HEPACAM: variants seen among roughly 807,000 people sequenced by gnomAD.
The protein encoded by HEPACAM is hepatic and glial cell adhesion molecule.
HEPACAM carries 18 observed loss-of-function variants against 38.3 expected under a neutral mutation model. The observed-to-expected ratio is 0.47, with a 90% CI of 0.33 to 0.70. The LOEUF (loss-of-function observed/expected upper bound fraction) is 0.70. Among genes scored for constraint, HEPACAM ranks in the 30% least tolerant of loss-of-function variants. The pLI, the probability that HEPACAM is intolerant of heterozygous loss-of-function variation, is 0.03. For synonymous variants in HEPACAM, 216 were observed against 243.1 expected, an observed-to-expected ratio of 0.89 and a Z score of 1.04; for missense variants, 466 against 563.0, an observed-to-expected ratio of 0.83 and a Z score of 1.74.
intron 1 of HEPACAM, among the ~76,000 whole-genome samples, chr11:124,930,696 G>T (rs1947271708): frequency 6.6e-6 from 1 of 152,180 alleles, no homozygotes; most frequent in African/African-American, 2.4e-5. Context: ...TCAACAGAAA[G>T]TCTGAAAACA....
chr11:124,925,585 G>T (rs1022751929), intron 1 of HEPACAM, among the ~76,000 whole-genome samples: 1 of 152,208 alleles, frequency 6.6e-6, no homozygotes, highest in Non-Finnish European at 1.5e-5. Context: ...AAAGAAAGGA[G>T]CGGGTCGTGA....
At chr11:124,933,763 T>C (rs1015063958) in intron 1 of HEPACAM, among the ~76,000 whole-genome samples, 5 of 152,204 alleles carry the variant, frequency 3.3e-5, no homozygotes, top group Non-Finnish European at 7.3e-5. Context: ...TGGGCTCTTT[T>C]GGGTCTTTGT....
chr11:124,925,180 ACTCCCTG>A (rs1947192019), intron 1 of HEPACAM, 111 bp from the exon 2 acceptor site: 5 of 776,376 alleles, frequency 6.4e-6, no homozygotes, highest in Non-Finnish European at 1.0e-5. Context: ...CTGGCTCTTC[ACTCCCTG>A]CCAATCCTGG....
At chr11:124,923,255 G>A in intron 4 of HEPACAM, 85 bp downstream of exon 4, 1 of 889,484 alleles carries the variant, frequency 1.1e-6, no homozygotes, top group Non-Finnish European at 1.9e-6. Context: ...TGGGAGGAAA[G>A]GCATTTAAAG....
At chr11:124,935,375 C>A (rs1947330103) in intron 1 of HEPACAM, among the ~76,000 whole-genome samples, 1 of 152,090 alleles carries the variant, frequency 6.6e-6, no homozygotes, top group African/African-American at 2.4e-5. Flanking sequence ...AAGATCACTT[C>A]TCAAAGGATT....
chr11:124,932,688 G>T (rs1037221977), intron 1 of HEPACAM, among the ~76,000 whole-genome samples: 6 of 152,148 alleles, frequency 3.9e-5, no homozygotes, highest in Non-Finnish European at 8.8e-5. Context: ...TTCCCTTGTT[G>T]TTAAGTATGG....
rs769402160 is a variant in HEPACAM, at chr11:124,923,970, A to T, written c.468T>A (p.Thr156=). The T allele has an allele frequency of 3.1e-6, 5 of 1,611,618 alleles. No homozygotes were observed. The highest frequency in any genetic ancestry group is 1.1e-5 in the South Asian group (1 of 91,030). The part of the protein sequence containing the change: ...SRPQVLVAST[T]VLELSEAFTL... ...TGAAGGCCTCGCTGAGCTCCAGCACAGTGGTTGAAGCCACCAACACCTGTG... is the reference window on the plus strand; with the variant it reads ...TGAAGGCCTCGCTGAGCTCCAGCACTGTGGTTGAAGCCACCAACACCTGTG... Residue 156 remains threonine (T), a synonymous_variant, in exon 3 of 7, where the codon ACT becomes ACA. Coordinates refer to ENST00000298251, the MANE Select transcript of HEPACAM (RefSeq NM_152722.5).
intron 1 of HEPACAM, among the ~76,000 whole-genome samples, chr11:124,927,419 T>G (rs1947226657): frequency 6.7e-6 from 1 of 150,332 alleles, no homozygotes; most frequent in Non-Finnish European, 1.5e-5. Context: ...CTTGGCTAAC[T>G]GCAACCTCTG....
rs886047935 is a variant in HEPACAM at position 124,924,901 on chromosome 11, G to A, written c.254C>T (p.Thr85Ile). The change falls in exon 2 of 7, where the codon ACA (threonine) becomes ATA (isoleucine). Residue 85 changes from threonine to isoleucine, a missense_variant. By Grantham distance (89) the Thr-to-Ile change is moderately conservative. Coordinates refer to ENST00000298251, the MANE Select transcript of HEPACAM (RefSeq NM_152722.5). This position sits in a 1 kb window ranked among gnomAD's most constrained non-coding sequence, Gnocchi z 4.4. Reference protein sequence around the residue: ...KPVTVVQSIGTEVIGTLRPDY... With the variant: ...KPVTVVQSIGIEVIGTLRPDY... ...AGGCCGCAGGGTGCCGATGACCTCT[G>A]TGCCAATGGACTGCACCACGGTCAC... The A allele has an allele frequency of 1.1e-5, 17 of 1,614,206 alleles. No homozygotes were observed. The highest frequency in any genetic ancestry group is 1.4e-5 in the Non-Finnish European group (17 of 1,180,042).
In HEPACAM at chr11:124,920,060, G is replaced by A; in HGVS notation, c.*1078C>T. ...TTTCTGTGCCCTGGGACCTGAGCAT[G>A]TGGGAGCAGGGCAGATGGGTGGCAG... On this transcript the variant is annotated 3_prime_UTR_variant, in exon 7 of 7. Coordinates refer to ENST00000298251, the MANE Select transcript of HEPACAM (RefSeq NM_152722.5). The A allele has an allele frequency of 1.3e-6, 2 of 1,592,024 alleles. No homozygotes were observed. Among genetic ancestry groups the A allele is most frequent in the South Asian group, 2.3e-5 (2 of 88,314 alleles).
chr11:124,927,259 T>C (rs757850116), intron 1 of HEPACAM, among the ~76,000 whole-genome samples: 4 of 152,178 alleles, frequency 2.6e-5, no homozygotes, highest in East Asian at 1.9e-4. Context: ...GCCAACTGGC[T>C]ACTTTTACAC....
intron 6 of HEPACAM, 109 bp downstream of exon 6, chr11:124,922,279 T>C (rs1251964287): frequency 5.0e-6 from 6 of 1,193,334 alleles, no homozygotes; most frequent in South Asian, 3.6e-5. Flanking sequence ...GCCAAAACCG[T>C]TGGGGACTGC....
intron 1 of HEPACAM, among the ~76,000 whole-genome samples, chr11:124,925,639 T>G (rs1348425536): frequency 1.3e-5 from 2 of 152,150 alleles, no homozygotes; most frequent in African/African-American, 4.8e-5. Flanking sequence ...GAAGACCACT[T>G]TCTAGTTATA....
chr11:124,924,133 G>A lies in HEPACAM; in HGVS notation c.428-123C>T, dbSNP rs1486983411. Reference sequence around the variant, plus strand: ...CCTTCCAACTCAATCTGTGGGCTGAGAAGACTTCAGACATCCTAAGTCCAG... The same window carrying A: ...CCTTCCAACTCAATCTGTGGGCTGAAAAGACTTCAGACATCCTAAGTCCAG... On this transcript the variant is annotated intron_variant, in intron 2 of 6. Transcript: ENST00000298251. This position sits in a 1 kb window ranked among gnomAD's most constrained non-coding sequence, Gnocchi z 4.4. 2.2e-6 allele frequency: 2 copies of A among 914,672 alleles called. No homozygotes were observed. 56.7% of individuals were successfully genotyped at this position (914,672 alleles called of 1,614,324 possible).
intron 1 of HEPACAM, among the ~76,000 whole-genome samples, chr11:124,929,145 C>T (rs1335014132): frequency 6.6e-6 from 1 of 152,194 alleles, no homozygotes; most frequent in African/African-American, 2.4e-5. Flanking sequence ...CTATCCCATC[C>T]AAAGTCCTAG....
At chr11:124,930,274 G>A (rs4245059) in intron 1 of HEPACAM, among the ~76,000 whole-genome samples, 3 of 151,912 alleles carry the variant, frequency 2.0e-5, no homozygotes, top group Admixed American at 6.5e-5. Context: ...AAACCACCCC[G>A]CTCCTCTGCT....
At position 124,924,087 on chromosome 11, in the gene HEPACAM, T is replaced by G; in HGVS notation, c.428-77A>C. The G allele has an allele frequency of 7.2e-7, 1 of 1,381,592 alleles. No individual in the cohort carries two copies. Among genetic ancestry groups the G allele is most frequent in the East Asian group, 2.5e-5 (1 of 40,282 alleles). The allele number at this position is 1,381,592 out of a possible 1,614,324, so 85.6% of individuals were successfully genotyped here. A position where few individuals can be genotyped will look rare whatever the true frequency, so the allele number is the denominator to read the frequency against. ...CCTTCCCCTTTTTAGCTCCCTGCCT[T>G]CCAACACACCTTTAACACTACCTTC... On this transcript the variant is annotated intron_variant, in intron 2 of 6. Transcript: ENST00000298251. This position sits in a 1 kb window ranked among gnomAD's most constrained non-coding sequence, Gnocchi z 4.4.
chr11:124,923,041 C>T (rs752655427), intron 4 of HEPACAM, among the ~76,000 whole-genome samples: 1 of 152,146 alleles, frequency 6.6e-6, no homozygotes, highest in Non-Finnish European at 1.5e-5. Context: ...ATCCGAGTCT[C>T]AGTGTCATTA....
chr11:124,921,318 A>AGAGCGGATGGGCAGCCCCGGC lies in HEPACAM; in HGVS notation c.1050_1070dup (p.Pro351_Ser357dup). ...CTGGGGAGCGCGGGTAGCGGCGGGC[A>AGAGCGGATGGGCAGCCCCGGC]GAGCGGATGGGCAGCCCCGGCGAGC... On this transcript the variant is annotated inframe_insertion, in exon 7 of 7. Coordinates refer to ENST00000298251, the MANE Select transcript of HEPACAM (RefSeq NM_152722.5). The surrounding 1 kb of genome is among the most constrained non-coding windows in gnomAD (Gnocchi z 4.6). 1 of 1,285,644 alleles carries AGAGCGGATGGGCAGCCCCGGC rather than the reference A, an allele frequency of 7.8e-7. No homozygotes were observed. Among genetic ancestry groups the AGAGCGGATGGGCAGCCCCGGC allele is most frequent in the Non-Finnish European group, 9.8e-7 (1 of 1,022,388 alleles). The allele number at this position is 1,285,644 out of a possible 1,614,324, so 79.6% of individuals were successfully genotyped here.
Sources: gnomAD v4.1 joint callset for allele counts (sites outside exome capture counted in the v4.1 genomes callset) on GRCh38, gnomAD v4.1.1 for gene constraint, Gnocchi (gnomAD v3.1) non-coding constraint, MANE v1.5 for transcripts, NCBI Gene and HGNC (gene_info 2026-07-23, HGNC 2026-07-21) for gene names.